Variants in CNTNAP1 observed in about 807,000 individuals in gnomAD.
The protein encoded by CNTNAP1 is contactin-associated protein 1.
A neutral mutation model predicts 161.5 loss-of-function variants in CNTNAP1; 80 were observed. That is an observed-to-expected ratio of 0.50 (90% confidence interval 0.41 to 0.60). The LOEUF (loss-of-function observed/expected upper bound fraction) is 0.60. CNTNAP1 is among the 20% of genes least tolerant of loss of function. The probability of loss-of-function intolerance (pLI) is 0.00; values close to 1 mark genes in which losing one functional copy is unlikely to be tolerated. For synonymous variants in CNTNAP1, 695 were observed against 733.1 expected (o/e 0.95, Z 0.84); for missense variants, 1,464 against 1,854.8 (o/e 0.79, Z 3.87).
chr17:42,697,173 A>T, intron 20 of CNTNAP1, 101 bp from the exon 21 acceptor site: 1 of 848,430 alleles, frequency 1.2e-6, no homozygotes, highest in Non-Finnish European at 2.0e-6. Flanking sequence ...ATCTGCCCCC[A>T]AGTATATTCC....
Position 42,687,103 on chromosome 17 carries a change from G to T in CNTNAP1, c.1044+57G>T. 6.3e-7 allele frequency: 1 copy of T among 1,580,188 alleles called. No homozygotes were observed. Among genetic ancestry groups the T allele is most frequent in the Admixed American group, 1.7e-5 (1 of 57,314 alleles). ...ATATCAAAGCGTCGTGGAAAGCAAA[G>T]AGGTGGAGCGGGAAGAGATATTGAA... On this transcript the variant is annotated intron_variant, in intron 7 of 23. Transcript: ENST00000264638. The surrounding 1 kb of genome is among the most constrained non-coding windows in gnomAD (Gnocchi z 4.7).
At position 42,687,588 on chromosome 17, in the gene CNTNAP1, G is replaced by T. The variant is rs914001908; in HGVS notation, c.1045-132G>T. Reference sequence around the variant, plus strand: ...CTTGGAGGGGAAGAGGTCACGTCATGGTTGGAGATCTCACCCCCGCCAACA... The same window carrying T: ...CTTGGAGGGGAAGAGGTCACGTCATTGTTGGAGATCTCACCCCCGCCAACA... On this transcript the variant is annotated intron_variant, in intron 7 of 23. Transcript: ENST00000264638. The surrounding 1 kb of genome is among the most constrained non-coding windows in gnomAD (Gnocchi z 4.7). 4.1e-6 allele frequency: 5 copies of T among 1,220,516 alleles called. No individual in the cohort carries two copies. Among genetic ancestry groups the T allele is most frequent in the African/African-American group, 1.5e-5 (1 of 65,752 alleles). The allele number at this position is 1,220,516 out of a possible 1,614,324, so 75.6% of individuals were successfully genotyped here.
At chr17:42,692,445 A>AGG in intron 16 of CNTNAP1, 54 bp from the exon 17 acceptor site, 1 of 1,443,006 alleles carries the variant, frequency 6.9e-7, no homozygotes, top group Non-Finnish European at 9.6e-7. Flanking sequence ...GGATCTATGA[A>AGG]GGGTCTTGTA....
rs1414906501 is a variant in CNTNAP1 at position 42,691,571 on chromosome 17, T to C, written c.2344+60T>C. 2 of 1,602,136 alleles carry C rather than the reference T, an allele frequency of 1.2e-6. No homozygotes were observed. Among genetic ancestry groups the C allele is most frequent in the Non-Finnish European group, 1.7e-6 (2 of 1,174,746 alleles). On this transcript the variant is annotated intron_variant, in intron 15 of 23. Transcript: ENST00000264638. The surrounding 1 kb of genome is among the most constrained non-coding windows in gnomAD (Gnocchi z 4.3). ...AGCTGACTCTCCAGTTTCCAAAATC[T>C]AGGCCGCATGTCACTGGTGGTCTCT...
In CNTNAP1 at chr17:42,685,995, G is replaced by A; in HGVS notation, c.754G>A (p.Val252Met). The change falls in exon 6 of 24, where the codon GTG becomes ATG. Residue 252 changes from valine (V) to methionine (M), a missense_variant. Around this residue, in one of 3 missense-constraint regions of CNTNAP1, gnomAD observed 1,383 missense variants for 1,765.0 expected, o/e 0.78. Coordinates refer to ENST00000264638, the MANE Select transcript of CNTNAP1 (RefSeq NM_003632.3). The surrounding 1 kb of genome is among the most constrained non-coding windows in gnomAD (Gnocchi z 5.0). ...CCAGCCAAGACCAGGTCACACCACCGTGAGCGCAGGCGGAGTCCTCAATGA... is the reference window on the plus strand; with the variant it reads ...CCAGCCAAGACCAGGTCACACCACCATGAGCGCAGGCGGAGTCCTCAATGA... ...PIQPRPGHTTVSAGGVLNDQH... is the reference protein window; with the variant it reads ...PIQPRPGHTTMSAGGVLNDQH... 2 of 1,614,176 alleles carry A rather than the reference G, an allele frequency of 1.2e-6. No homozygotes were observed. Among genetic ancestry groups the A allele is most frequent in the Non-Finnish European group, 8.5e-7 (1 of 1,180,034 alleles).
rs750756368 is a variant in CNTNAP1 at position 42,698,829 on chromosome 17, C to CCCAGCCCCAACT, written c.4084_4095dup (p.Thr1362_Pro1365dup). ...ACCAAGCTCCAGCCTCAGCCCCAGC[C>CCCAGCCCCAACT]CCAGCCCCAACTCCAGCCCCAGCCC... On this transcript the variant is annotated inframe_insertion, in exon 24 of 24. Coordinates refer to ENST00000264638, the MANE Select transcript of CNTNAP1 (RefSeq NM_003632.3). 1.9e-6 allele frequency: 3 copies of CCCAGCCCCAACT among 1,602,430 alleles called. No individual in the cohort carries two copies. The highest frequency in any genetic ancestry group is 2.5e-6 in the Non-Finnish European group (3 of 1,178,544).
At position 42,685,282 on chromosome 17, in the gene CNTNAP1, C is replaced by A. The variant is rs752924771; in HGVS notation, c.577C>A (p.Arg193=). Residue 193 remains arginine (R), a synonymous_variant, in exon 5 of 24, where the codon CGA becomes AGA. Coordinates refer to ENST00000264638, the MANE Select transcript of CNTNAP1 (RefSeq NM_003632.3). This position sits in a 1 kb window ranked among gnomAD's most constrained non-coding sequence, Gnocchi z 5.0. ...ISYRFPRGVS[R]SLWDVFAFSF... is the part of the protein sequence containing the mutation. ...CTACCGCTTCCCGCGAGGGGTCAGCCGAAGCCTGTGGGACGTGTTCGCCTT... is the reference window on the plus strand; with the variant it reads ...CTACCGCTTCCCGCGAGGGGTCAGCAGAAGCCTGTGGGACGTGTTCGCCTT... The A allele has an allele frequency of 1.9e-6, 3 of 1,613,580 alleles. No individual in the cohort carries two copies. Among genetic ancestry groups the A allele is most frequent in the African/African-American group, 2.7e-5 (2 of 74,948 alleles).
Position 42,698,939 on chromosome 17 carries a change from G to C in CNTNAP1, c.*29G>C. 6.8e-7 allele frequency: 1 copy of C among 1,479,662 alleles called. No individual in the cohort carries two copies. Among genetic ancestry groups the C allele is most frequent in the African/African-American group, 1.4e-5 (1 of 71,168 alleles). The allele number at this position is 1,479,662 out of a possible 1,614,324, so 91.7% of individuals were successfully genotyped here. On this transcript the variant is annotated 3_prime_UTR_variant, in exon 24 of 24. Transcript: ENST00000264638. Reference sequence around the variant, plus strand: ...AGAAGGGCTTCTGGGACCAATTCCAGCTCCTGACATTCCCCCAGTCCTGCC... The same window carrying C: ...AGAAGGGCTTCTGGGACCAATTCCACCTCCTGACATTCCCCCAGTCCTGCC...
intron 20 of CNTNAP1, among the ~76,000 whole-genome samples, chr17:42,697,038 AAAT>A (rs896958648): frequency 1.1e-4 from 16 of 151,888 alleles, no homozygotes; most frequent in African/African-American, 3.6e-4. Context: ...AAATAAAATA[AAAT>A]AATAATAATA....
intron 6 of CNTNAP1, among the ~76,000 whole-genome samples, chr17:42,686,469 G>GTTGTTTTTTT (rs2053011209): frequency 1.4e-5 from 1 of 71,364 alleles, no homozygotes; most frequent in African/African-American, 5.7e-5. Flanking sequence ...AAAAAGGCCT[G>GTTGTTTTTTT]TTTTTTTTTT....
chr17:42,691,967 C>A lies in CNTNAP1; in HGVS notation c.2506C>A (p.Pro836Thr). ...GGGCCCTTACTGCCAGTGGCGCCGA[C>A]CTTATGTGCGGGTGGAACTCAACAG... Reference protein sequence around the residue: ...MGGPYCQWRRPYVRVELNTSR... With the variant: ...MGGPYCQWRRTYVRVELNTSR... The change falls in exon 16 of 24, where the codon CCT (proline) becomes ACT (threonine). Residue 836 changes from proline to threonine, a missense_variant. Coordinates refer to ENST00000264638, the MANE Select transcript of CNTNAP1 (RefSeq NM_003632.3). This position sits in a 1 kb window ranked among gnomAD's most constrained non-coding sequence, Gnocchi z 4.3. 6.2e-7 allele frequency: 1 copy of A among 1,614,062 alleles called. No homozygotes were observed.
rs1322245976 is a variant in CNTNAP1, at chr17:42,691,852, C to T, written c.2391C>T (p.Arg797=). 1.2e-6 allele frequency: 2 copies of T among 1,614,174 alleles called. No individual in the cohort carries two copies. The highest frequency in any genetic ancestry group is 1.7e-6 in the Non-Finnish European group (2 of 1,180,028). ...TISFHTGAAL[R]FPPIRANHSL... ...CCTTCCACACCGGGGCTGCACTACG[C>T]TTCCCCCCAATCCGTGCCAACCACA... The change falls in exon 16 of 24, where the codon CGC becomes CGT. Residue 797 remains arginine (R), a synonymous_variant. Transcript: ENST00000264638. The surrounding 1 kb of genome is among the most constrained non-coding windows in gnomAD (Gnocchi z 4.3).
chr17:42,693,106 G>A (rs1487944873), intron 17 of CNTNAP1, among the ~76,000 whole-genome samples, 191 bp from the exon 18 acceptor site: 8 of 151,962 alleles, frequency 5.3e-5, no homozygotes, highest in South Asian at 2.1e-4. Flanking sequence ...ACAGGCGCCC[G>A]CCACCGTGCC....
chr17:42,690,839 G>A lies in CNTNAP1; in HGVS notation c.1956G>A (p.Trp652Ter). The A allele has an allele frequency of 6.2e-7, 1 of 1,614,254 alleles. No homozygotes were observed. Among genetic ancestry groups the A allele is most frequent in the Non-Finnish European group, 8.5e-7 (1 of 1,180,048 alleles). Reference protein sequence around the residue: ...ERPFLGAIQYWNASWEEVSAL... With the variant: ...ERPFLGAIQY ...CATTCCTGGGGGCTATCCAGTACTGGAATGCATCCTGGGAGGAAGTCAGTG... is the reference window on the plus strand; with the variant it reads ...CATTCCTGGGGGCTATCCAGTACTGAAATGCATCCTGGGAGGAAGTCAGTG... The change falls in exon 13 of 24, where the codon TGG (tryptophan) becomes TGA (stop). Residue 652 changes from tryptophan to a stop codon, truncating the protein, a stop_gained. Transcript: ENST00000264638. LOFTEE classifies it high-confidence loss of function.
chr17:42,693,422 C>T lies in CNTNAP1; in HGVS notation c.2878C>T (p.His960Tyr). The change falls in exon 18 of 24, where the codon CAC (histidine) becomes TAC (tyrosine). Residue 960 changes from histidine (H) to tyrosine (Y), a missense_variant. This residue lies in a region of CNTNAP1 where 1,383 missense variants were observed against 1,765.0 expected (regional missense o/e 0.78). Coordinates refer to ENST00000264638, the MANE Select transcript of CNTNAP1 (RefSeq NM_003632.3). ...GGGTACCTCACCCAACTGCACAGGC[C>T]ACTGTGCCCACCCTCGGCTCCCCTG... Reference protein sequence around the residue: ...SEGTSPNCTGHCAHPRLPCFH... With the variant: ...SEGTSPNCTGYCAHPRLPCFH... 1 of 1,614,210 alleles carries T rather than the reference C, an allele frequency of 6.2e-7. No individual in the cohort carries two copies. Among genetic ancestry groups the T allele is most frequent in the South Asian group, 1.1e-5 (1 of 91,088 alleles).
Position 42,685,181 on chromosome 17 carries a change from C to A in CNTNAP1, c.512-36C>A, listed in dbSNP as rs372590028. ...GCGGAGGGGGCCTGGGAGACAGCCT[C>A]CCCAGTTCCCGGCCCACCTACGGTC... On this transcript the variant is annotated intron_variant, in intron 4 of 23. Transcript: ENST00000264638. The surrounding 1 kb of genome is among the most constrained non-coding windows in gnomAD (Gnocchi z 5.0). The A allele has an allele frequency of 2.5e-6, 4 of 1,611,204 alleles. No individual in the cohort carries two copies. In the Admixed American group the frequency reaches 6.7e-5, roughly 27 times the overall value.
chr17:42,690,264 G>T, intron 12 of CNTNAP1, 57 bp downstream of exon 12: 1 of 1,598,258 alleles, frequency 6.3e-7, no homozygotes, highest in East Asian at 2.2e-5. Context: ...AGGATAGAGT[G>T]GTGGGTGGGG....
chr17:42,691,355 G>A lies in CNTNAP1; in HGVS notation c.2217-29G>A, dbSNP rs1254498551. On this transcript the variant is annotated intron_variant, in intron 14 of 23. Coordinates refer to ENST00000264638, the MANE Select transcript of CNTNAP1 (RefSeq NM_003632.3). The surrounding 1 kb of genome is among the most constrained non-coding windows in gnomAD (Gnocchi z 4.3). ...GGAGTGGGAGGAGCTGAGTGGCTGG[G>A]GCTGAGCCATGACATCCTGCCCCCA... is the stretch of plus-strand genomic sequence containing the variant. 2.5e-6 allele frequency: 4 copies of A among 1,613,946 alleles called. No homozygotes were observed. The African/African-American group carries it at 4.0e-5, about 16-fold the overall frequency.
chr17:42,687,330 C>G lies in CNTNAP1; in HGVS notation c.1044+284C>G. 2.0e-6 allele frequency: 1 copy of G among 504,668 alleles called. No homozygotes were observed. The highest frequency in any genetic ancestry group is 2.9e-5 in the South Asian group (1 of 35,040). 31.3% of individuals were successfully genotyped at this position (504,668 alleles called of 1,614,324 possible). On this transcript the variant is annotated intron_variant, in intron 7 of 23. Coordinates refer to ENST00000264638, the MANE Select transcript of CNTNAP1 (RefSeq NM_003632.3). The surrounding 1 kb of genome is among the most constrained non-coding windows in gnomAD (Gnocchi z 4.7). ...CTTGTCCAGGGGTCGTGCAGCTGCA[C>G]GGTGGCTGAGTAGGGACTTGAACCG...
Sources: allele counts gnomAD v4.1 joint callset (sites outside exome capture counted in the v4.1 genomes callset), GRCh38; gene constraint gnomAD v4.1.1; regional missense constraint gnomAD v4.1.1; non-coding constraint Gnocchi (gnomAD v3.1); transcripts MANE v1.5; gene names NCBI Gene and HGNC (gene_info 2026-07-23, HGNC 2026-07-21).